The following PTPRD variants were observed in gnomAD, a reference collection of about 807,000 sequenced individuals.
The protein encoded by PTPRD is receptor-type tyrosine-protein phosphatase delta.
Under a neutral mutation model 214.5 loss-of-function variants are expected in PTPRD, and 34 were observed. That is an observed-to-expected ratio of 0.16 (90% confidence interval 0.12 to 0.21). The LOEUF is 0.21. PTPRD is among the 10% of genes least tolerant of loss of function. The pLI is 1.00. For synonymous variants in PTPRD, 1,128 were observed against 845.7 expected (o/e 1.33, Z -5.79); for missense variants, 2,545 against 2,398.7 (o/e 1.06, Z -1.27).
intron 4 of PTPRD, among the ~76,000 whole-genome samples, chr9:10,029,996 T>A (rs2097024093): frequency 6.6e-6 from 1 of 152,114 alleles, no homozygotes; most frequent in Non-Finnish European, 1.5e-5. Context: ...ATAAGTCTCA[T>A]AAGATCTGAT....
At chr9:8,585,716 G>A (rs2093600550) in intron 14 of PTPRD, among the ~76,000 whole-genome samples, 1 of 152,160 alleles carries the variant, frequency 6.6e-6, no homozygotes. Context: ...TGCCATGTGT[G>A]AAAGTTATTT....
chr9:8,920,924 C>A (rs888383963), intron 11 of PTPRD, among the ~76,000 whole-genome samples: 10 of 152,192 alleles, frequency 6.6e-5, no homozygotes, highest in African/African-American at 2.4e-4. Context: ...AGCGATTCTC[C>A]TGCCTCAGCC....
chr9:9,814,949 G>T (rs1034655423), intron 5 of PTPRD, among the ~76,000 whole-genome samples: 1 of 151,344 alleles, frequency 6.6e-6, no homozygotes, highest in Non-Finnish European at 1.5e-5. Flanking sequence ...ACAGGTGCAC[G>T]CCACCACACC....
intron 5 of PTPRD, among the ~76,000 whole-genome samples, chr9:9,780,748 C>G (rs1324322310): frequency 6.6e-6 from 1 of 152,114 alleles, no homozygotes; most frequent in Admixed American, 6.5e-5. Flanking sequence ...TTAGAGCAGC[C>G]TTATTCATAA....
At position 8,818,330 on chromosome 9, in the gene PTPRD, G is replaced by A. The variant is rs144622696; in HGVS notation, c.-103-84384C>T. ...ATTTGATTCTCTCTACAGTTTTAGC[G>A]GATAGGCAGAGAGATAAAAGAAGAA... On this transcript the variant is annotated intron_variant, in intron 11 of 45. Transcript: ENST00000381196. Among the ~76,000 whole-genome samples the A allele has an allele frequency of 2.6e-3, 401 of 152,162 alleles. 1 individual carries two copies. Among genetic ancestry groups the A allele is most frequent in the African/African-American group, 8.6e-3 (359 of 41,526 alleles).
At position 9,692,408 on chromosome 9, in the gene PTPRD, G is replaced by A. The variant is rs1045055767; in HGVS notation, c.-287+42125C>T. On this transcript the variant is annotated intron_variant, in intron 7 of 45. Transcript: ENST00000381196. ...TGTCTTTTCCCTAGCATACGTTCTT[G>A]GCACCTTTGTCAAAAATGAGCCCAC... Among the ~76,000 whole-genome samples the A allele has an allele frequency of 2.0e-5, 3 of 151,900 alleles. No homozygotes were observed. The South Asian group carries it at 6.2e-4, about 32-fold the overall frequency.
At chr9:9,922,252 A>G (rs576501947) in intron 5 of PTPRD, among the ~76,000 whole-genome samples, 3 of 152,230 alleles carry the variant, frequency 2.0e-5, no homozygotes, top group Admixed American at 6.5e-5. Context: ...ACAGTGGGCA[A>G]TTACCTCTTC....
chr9:9,316,343 A>T (rs1483201271), intron 9 of PTPRD, among the ~76,000 whole-genome samples: 1 of 152,120 alleles, frequency 6.6e-6, no homozygotes, highest in East Asian at 1.9e-4. Flanking sequence ...TGAATTGCAG[A>T]CACATTTTTC....
intron 39 of PTPRD, among the ~76,000 whole-genome samples, chr9:8,366,580 A>C (rs2079936095): frequency 6.6e-6 from 1 of 152,192 alleles, no homozygotes; most frequent in South Asian, 2.1e-4. Flanking sequence ...AGAAATCTGA[A>C]CCCTCAAAAA....
chr9:9,851,986 C>A (rs1012472808), intron 5 of PTPRD, among the ~76,000 whole-genome samples: 2 of 151,970 alleles, frequency 1.3e-5, no homozygotes, highest in Middle Eastern at 3.2e-3. Context: ...GTGAAGTCCC[C>A]GATTTCAGAT....
intron 35 of PTPRD, among the ~76,000 whole-genome samples, chr9:8,415,376 G>T (rs2093856919): frequency 6.6e-6 from 1 of 152,096 alleles, no homozygotes; most frequent in African/African-American, 2.4e-5. Flanking sequence ...AATTGTGATT[G>T]GATATGTATT....
chr9:10,152,504 A>G (rs2099067404), intron 3 of PTPRD, among the ~76,000 whole-genome samples: 1 of 152,148 alleles, frequency 6.6e-6, no homozygotes, highest in East Asian at 1.9e-4. Context: ...GCATGTATAC[A>G]TAGTGGAATA....
chr9:8,638,489 T>TTACAA (rs1203582398), intron 12 of PTPRD, among the ~76,000 whole-genome samples: 6 of 152,228 alleles, frequency 3.9e-5, no homozygotes, highest in African/African-American at 1.4e-4. Flanking sequence ...ATGAAATACA[T>TTACAA]TAATTTACAA....
intron 14 of PTPRD, among the ~76,000 whole-genome samples, chr9:8,530,196 G>GC (rs1387019856): frequency 1.3e-5 from 2 of 151,986 alleles, no homozygotes; most frequent in African/African-American, 4.8e-5. Flanking sequence ...CCAGTCAACA[G>GC]CATGTGTTCT....
At chr9:9,989,605 C>G (rs947314859) in intron 4 of PTPRD, among the ~76,000 whole-genome samples, 1 of 152,126 alleles carries the variant, frequency 6.6e-6, no homozygotes, top group East Asian at 1.9e-4. Flanking sequence ...ATTCACCACC[C>G]TCCAATTTTT....
rs1001997370 is a variant in PTPRD, at chr9:9,433,940, G to A, written c.-236-36458C>T. 3.3e-5 allele frequency among the ~76,000 whole-genome samples: 5 copies of A among 152,164 alleles called. No individual in the cohort carries two copies. In the South Asian group the frequency reaches 1.0e-3, roughly 32 times the overall value. On this transcript the variant is annotated intron_variant, in intron 8 of 45. Transcript: ENST00000381196. ...CACTTTTTCTAATAAGCTCAAAAAC[G>A]CAGCGCAGTTTTCTTTTTAACATGA...
At chr9:10,253,694 G>T (rs1236719576) in intron 3 of PTPRD, among the ~76,000 whole-genome samples, 3 of 152,128 alleles carry the variant, frequency 2.0e-5, no homozygotes, top group African/African-American at 7.2e-5. Flanking sequence ...GGTAGTATCA[G>T]CCCATTCTAT....
chr9:10,019,620 C>T (rs1443910576), intron 4 of PTPRD, among the ~76,000 whole-genome samples: 2 of 152,124 alleles, frequency 1.3e-5, no homozygotes, highest in Non-Finnish European at 2.9e-5. Flanking sequence ...AGTTCATGTC[C>T]TTTGTAGGGA....
intron 12 of PTPRD, among the ~76,000 whole-genome samples, chr9:8,684,537 A>G (rs989511252): frequency 2.6e-5 from 4 of 152,108 alleles, no homozygotes; most frequent in Admixed American, 2.6e-4. Context: ...TCTCAGTTAT[A>G]GTACTGGGCT....
Sources: gnomAD v4.1 joint callset for allele counts (sites outside exome capture counted in the v4.1 genomes callset) on GRCh38, gnomAD v4.1.1 for gene constraint, MANE v1.5 for transcripts, NCBI Gene and HGNC (gene_info 2026-07-23, HGNC 2026-07-21) for gene names.